The following CTNNA2 variants were observed in gnomAD, a reference collection of about 807,000 sequenced individuals.
CTNNA2 encodes catenin alpha-2.
In CTNNA2, 42 loss-of-function variants were observed where a neutral mutation model predicts 101.0. That is an observed-to-expected ratio of 0.42 (90% CI 0.32 to 0.54). CTNNA2 has a LOEUF of 0.54. Among genes scored for constraint, CTNNA2 ranks in the 20% least tolerant of loss-of-function variants. The pLI, the probability that CTNNA2 is intolerant of heterozygous loss-of-function variation, is 0.14. For synonymous variants in CTNNA2, 450 were observed against 456.4 expected, an observed-to-expected ratio of 0.99 and a Z score of 0.18; for missense variants, 871 against 1,223.1, an observed-to-expected ratio of 0.71 and a Z score of 4.29.
chr2:79,634,993 T>C (rs763889184), intron 1 of CTNNA2, among the ~76,000 whole-genome samples: 13 of 152,124 alleles, frequency 8.5e-5, no homozygotes, highest in Non-Finnish European at 1.8e-4. Context: ...ATGTCATTCA[T>C]ATTTGCGAAA....
At chr2:80,448,666 C>T (rs1405143108) in intron 9 of CTNNA2, among the ~76,000 whole-genome samples, 2 of 152,048 alleles carry the variant, frequency 1.3e-5, no homozygotes, top group Non-Finnish European at 2.9e-5. Flanking sequence ...TTCTTGTTAG[C>T]ATTTATTTAT....
At chr2:79,909,295 T>G (rs1244002938) in intron 6 of CTNNA2, among the ~76,000 whole-genome samples, 1 of 152,246 alleles carries the variant, frequency 6.6e-6, no homozygotes, top group African/African-American at 2.4e-5. Flanking sequence ...AAAGGCTACG[T>G]ATTTTAAAAA....
intron 7 of CTNNA2, among the ~76,000 whole-genome samples, chr2:79,945,232 G>T (rs970888383): frequency 6.6e-6 from 1 of 151,916 alleles, no homozygotes; most frequent in Non-Finnish European, 1.5e-5. Flanking sequence ...GTAGAGACAG[G>T]GTCTCGCTAT....
chr2:80,535,304 C>T (rs1351187686), intron 9 of CTNNA2, among the ~76,000 whole-genome samples: 1 of 152,090 alleles, frequency 6.6e-6, no homozygotes, highest in African/African-American at 2.4e-5. Flanking sequence ...TATAGGCACT[C>T]AATATTTATT....
At position 79,460,999 on chromosome 2, in the gene CTNNA2, G is replaced by A. The variant is rs62157004; in HGVS notation, c.-134-44055G>A. On this transcript the variant is annotated intron_variant, in intron 4 of 21. Coordinates refer to the CTNNA2 transcript ENST00000466387. ...TGGGATTACAGGCATATGCCACCACGCCCAGCTAATTTTTGTATTTTTAGT... is the reference window on the plus strand; with the variant it reads ...TGGGATTACAGGCATATGCCACCACACCCAGCTAATTTTTGTATTTTTAGT... Among the ~76,000 whole-genome samples the A allele has an allele frequency of 8.0e-3, 1,183 of 147,576 alleles. 7 individuals are homozygous for A. The highest frequency in any genetic ancestry group is 0.012 in the Non-Finnish European group (784 of 66,440).
intron 4 of CTNNA2, among the ~76,000 whole-genome samples, chr2:79,469,332 G>T (rs983222132): frequency 6.6e-6 from 1 of 152,122 alleles, no homozygotes; most frequent in Non-Finnish European, 1.5e-5. Context: ...AAACCAGGAA[G>T]AAGTTCAATC....
intron 4 of CTNNA2, among the ~76,000 whole-genome samples, chr2:79,391,523 G>A (rs2104472399): frequency 6.6e-6 from 1 of 152,264 alleles, no homozygotes; most frequent in Admixed American, 6.5e-5. Context: ...AGTAGGCTGT[G>A]GGAGTCAAAA....
chr2:79,564,626 A>T (rs1267601879), intron 1 of CTNNA2, among the ~76,000 whole-genome samples: 3 of 152,216 alleles, frequency 2.0e-5, no homozygotes, highest in Non-Finnish European at 4.4e-5. Context: ...ACACCTTTTC[A>T]CACTAGTCTA....
chr2:80,494,113 A>G (rs934895525), intron 9 of CTNNA2, among the ~76,000 whole-genome samples: 1 of 152,222 alleles, frequency 6.6e-6, no homozygotes, highest in African/African-American at 2.4e-5. Flanking sequence ...GGTTGTATTA[A>G]ATTAATCAAA....
At chr2:79,235,287 T>C (rs1299453625) in intron 2 of CTNNA2, among the ~76,000 whole-genome samples, 1 of 152,204 alleles carries the variant, frequency 6.6e-6, no homozygotes, top group African/African-American at 2.4e-5. Context: ...AGGCACTGTA[T>C]ACTGGCAAAA....
At chr2:80,191,896 A>T (rs961616966) in intron 7 of CTNNA2, among the ~76,000 whole-genome samples, 1 of 152,192 alleles carries the variant, frequency 6.6e-6, no homozygotes, top group African/African-American at 2.4e-5. Flanking sequence ...GACATCTTTT[A>T]CTTCTCCAGG....
intron 1 of CTNNA2, among the ~76,000 whole-genome samples, chr2:79,521,012 A>C (rs1672074819): frequency 6.6e-6 from 1 of 151,092 alleles, no homozygotes. Context: ...AATTAATAAC[A>C]GCATACTCAT....
At chr2:79,269,068 T>C (rs1675027332) in intron 2 of CTNNA2, among the ~76,000 whole-genome samples, 1 of 151,980 alleles carries the variant, frequency 6.6e-6, no homozygotes, top group Non-Finnish European at 1.5e-5. Flanking sequence ...ATCTATGCGG[T>C]ATGTTAGAAA....
chr2:80,370,805 C>G (rs923280795), intron 7 of CTNNA2, among the ~76,000 whole-genome samples: 8 of 152,034 alleles, frequency 5.3e-5, no homozygotes, highest in African/African-American at 1.9e-4. Flanking sequence ...GGCTGAGGCC[C>G]CTGTAACAAA....
At chr2:79,346,858 C>T (rs1183474138) in intron 3 of CTNNA2, among the ~76,000 whole-genome samples, 1 of 152,184 alleles carries the variant, frequency 6.6e-6, no homozygotes, top group East Asian at 1.9e-4. Flanking sequence ...CCCAAATTTG[C>T]ATAAAGTCCT....
chr2:80,146,910 G>A (rs546936028), intron 7 of CTNNA2, among the ~76,000 whole-genome samples: 213 of 146,438 alleles, frequency 1.5e-3, no homozygotes, highest in Non-Finnish European at 2.5e-3. Context: ...CCACCACCAC[G>A]CCCTGCTAAT....
intron 9 of CTNNA2, among the ~76,000 whole-genome samples, chr2:80,477,523 A>G (rs1685821012): frequency 6.6e-6 from 1 of 151,946 alleles, no homozygotes; most frequent in Non-Finnish European, 1.5e-5. Context: ...ATCCTTTCCC[A>G]TTCTGAGTCT....
intron 7 of CTNNA2, among the ~76,000 whole-genome samples, chr2:80,359,576 T>C (rs1255741670): frequency 6.6e-6 from 1 of 152,138 alleles, no homozygotes; most frequent in Admixed American, 6.5e-5. Flanking sequence ...CCCCTCTTCC[T>C]CCTGCTCTGG....
At chr2:80,421,514 C>A (rs1320606011) in intron 9 of CTNNA2, among the ~76,000 whole-genome samples, 1 of 152,160 alleles carries the variant, frequency 6.6e-6, no homozygotes, top group African/African-American at 2.4e-5. Flanking sequence ...TGGACACATC[C>A]ACCCTCTCCC....
Sources: gnomAD v4.1 joint callset for allele counts (sites outside exome capture counted in the v4.1 genomes callset) on GRCh38, gnomAD v4.1.1 for gene constraint, MANE v1.5 for transcripts, NCBI Gene and HGNC (gene_info 2026-07-23, HGNC 2026-07-21) for gene names.